The following SLC13A3 variants were observed in gnomAD, a reference collection of about 807,000 sequenced individuals.
SLC13A3 encodes Na(+)/dicarboxylate cotransporter 3.
SLC13A3 carries 40 observed loss-of-function variants against 59.0 expected under a neutral mutation model. That is an observed-to-expected ratio of 0.68 (90% CI 0.53 to 0.88). The LOEUF (loss-of-function observed/expected upper bound fraction) is 0.88. Ranked by LOEUF, SLC13A3 falls within the 40% of genes least tolerant of loss-of-function variation. The probability of loss-of-function intolerance (pLI) is 0.00; values close to 1 mark genes in which losing one functional copy is unlikely to be tolerated. For missense variants in SLC13A3, 699 were observed against 783.2 expected (o/e 0.89, Z 1.28); for synonymous variants, 317 against 330.3 (o/e 0.96, Z 0.44).
rs144218544 is a variant in SLC13A3, at chr20:46,578,565, A to G, written c.1220-2880T>C. Reference sequence around the variant, plus strand: ...GTGGTGGGTGCCTATAATCCCAGCTACTTGGGAGGTTGAGGCATGAGAATC... The same window carrying G: ...GTGGTGGGTGCCTATAATCCCAGCTGCTTGGGAGGTTGAGGCATGAGAATC... On this transcript the variant is annotated intron_variant, in intron 9 of 12. Coordinates refer to ENST00000279027, the MANE Select transcript of SLC13A3 (RefSeq NM_022829.6). Among the ~76,000 whole-genome samples the G allele has an allele frequency of 1.3e-3, 195 of 152,026 alleles. No homozygotes were observed. The Middle Eastern group carries it at 0.017, about 13-fold the overall frequency.
chr20:46,613,406 G>A (rs1270798983), intron 2 of SLC13A3, 54 bp downstream of exon 2: 2 of 1,496,958 alleles, frequency 1.3e-6, no homozygotes, highest in Non-Finnish European at 1.8e-6. Flanking sequence ...AGGCTCCAGA[G>A]GTGTGGTCCC....
intron 1 of SLC13A3, among the ~76,000 whole-genome samples, chr20:46,627,923 T>G (rs551248870): frequency 6.6e-6 from 1 of 152,286 alleles, no homozygotes. Context: ...ATGCAGAGCC[T>G]AAGAGTAGAT....
At chr20:46,618,495 G>C (rs951537337) in intron 1 of SLC13A3, among the ~76,000 whole-genome samples, 5 of 152,208 alleles carry the variant, frequency 3.3e-5, no homozygotes, top group Non-Finnish European at 7.3e-5. Context: ...CCATTGTAGT[G>C]GTAATAAGAG....
At chr20:46,617,893 C>G (rs1043065455) in intron 1 of SLC13A3, among the ~76,000 whole-genome samples, 3 of 152,154 alleles carry the variant, frequency 2.0e-5, no homozygotes, top group East Asian at 1.9e-4. Flanking sequence ...TTCCTGCTGA[C>G]CCAAGAAGGA....
chr20:46,597,345 A>G (rs2122697632), intron 4 of SLC13A3, among the ~76,000 whole-genome samples: 1 of 152,356 alleles, frequency 6.6e-6, no homozygotes, highest in Admixed American at 6.5e-5. Flanking sequence ...AGGTATTTGG[A>G]AACAGACTGA....
At chr20:46,560,236 TG>T in intron 12 of SLC13A3, 38 bp from the exon 13 acceptor site, 1 of 1,591,660 alleles carries the variant, frequency 6.3e-7, no homozygotes, top group Non-Finnish European at 8.6e-7. Context: ...GGTCAGCACC[TG>T]ACCCACCATA....
intron 10 of SLC13A3, among the ~76,000 whole-genome samples, chr20:46,575,146 AAG>A (rs2062062790): frequency 6.6e-6 from 1 of 151,976 alleles, no homozygotes; most frequent in Non-Finnish European, 1.5e-5. Context: ...GTCTCAAAAA[AAG>A]AGAGAGAAAA....
At position 46,559,855 on chromosome 20, in the gene SLC13A3, C is replaced by T; in HGVS notation, c.*167G>A. 1 of 621,186 alleles carries T rather than the reference C, an allele frequency of 1.6e-6. No individual in the cohort carries two copies. The highest frequency in any genetic ancestry group is 2.8e-6 in the Non-Finnish European group (1 of 358,432). The allele number at this position is 621,186 out of a possible 1,614,324, so 38.5% of individuals were successfully genotyped here. ...ACTGCATGAAAGAGAGAGAAAGTAT[C>T]CTAGATAATGGCTCATGGACTTGAG... On this transcript the variant is annotated 3_prime_UTR_variant, in exon 13 of 13. Transcript: ENST00000279027.
rs938426995 is a variant in SLC13A3, at chr20:46,561,650, G to GTT, written c.1633-1454_1633-1453dup. On this transcript the variant is annotated intron_variant, in intron 12 of 12. Transcript: ENST00000279027. ...TTTCTTCTGGAATATTCTTATTCAA[G>GTT]TTTTTTTTTGTTTTTTTTTTTTAAT... Among the ~76,000 whole-genome samples the GTT allele has an allele frequency of 9.4e-4, 130 of 138,742 alleles. 3 individuals carry two copies. In the South Asian group the frequency reaches 0.028, roughly 30 times the overall value. 91.0% of individuals were successfully genotyped at this position (138,742 alleles called of 152,430 possible).
chr20:46,670,341 C>T (rs1045072306), upstream of SLC13A3, among the ~76,000 whole-genome samples: 8 of 152,136 alleles, frequency 5.3e-5, no homozygotes, highest in African/African-American at 1.4e-4. Context: ...CAGCAGCCAT[C>T]GTTGATCAGG....
At position 46,650,902 on chromosome 20, in the gene SLC13A3, T is replaced by C. The variant is rs545748409; in HGVS notation, c.111+409A>G. Among the ~76,000 whole-genome samples, 5 of 151,452 alleles carry C rather than the reference T, an allele frequency of 3.3e-5. No individual in the cohort carries two copies. The East Asian group carries it at 9.7e-4, about 29-fold the overall frequency. Reference sequence around the variant, plus strand: ...CAACATAGTGAGACCCTATCTCTATTAAAAAAAAATTAGCTGGGCATGCAC... The same window carrying C: ...CAACATAGTGAGACCCTATCTCTATCAAAAAAAAATTAGCTGGGCATGCAC... On this transcript the variant is annotated intron_variant, in intron 1 of 12. Transcript: ENST00000279027.
chr20:46,664,808 G>T (rs969782442), intron 1 of SLC13A3, among the ~76,000 whole-genome samples: 14 of 152,134 alleles, frequency 9.2e-5, no homozygotes, highest in South Asian at 4.1e-4. Context: ...GAACTTCTGG[G>T]TATACAAAGG....
chr20:46,673,625 T>G (rs1245069582), upstream of SLC13A3: 1 of 152,318 alleles, frequency 6.6e-6, no homozygotes, highest in East Asian at 1.9e-4. Flanking sequence ...CCCGACCTCC[T>G]GATCTAAGGA....
At chr20:46,582,375 G>A (rs911832328) in intron 9 of SLC13A3, among the ~76,000 whole-genome samples, 45 of 151,096 alleles carry the variant, frequency 3.0e-4, no homozygotes, top group African/African-American at 9.9e-4. Context: ...CAATCCACCC[G>A]CCTCAGCCTC....
At position 46,639,802 on chromosome 20, in the gene SLC13A3, C is replaced by A. The variant is rs536656431; in HGVS notation, c.111+11509G>T. ...TTGTCAATGGCTATGAGATGCTGGG[C>A]AAATGGCTTAATCTCTCTGAGCCTC... On this transcript the variant is annotated intron_variant, in intron 1 of 12. Coordinates refer to ENST00000279027, the MANE Select transcript of SLC13A3 (RefSeq NM_022829.6). Among the ~76,000 whole-genome samples the A allele has an allele frequency of 7.2e-5, 11 of 152,334 alleles. No individual in the cohort carries two copies. In the East Asian group the frequency reaches 2.1e-3, roughly 29 times the overall value.
chr20:46,579,179 C>G (rs1404532166), intron 9 of SLC13A3, among the ~76,000 whole-genome samples: 2 of 152,102 alleles, frequency 1.3e-5, no homozygotes, highest in African/African-American at 4.8e-5. Flanking sequence ...CTCTGTTGCC[C>G]AGGCTGGAGT....
upstream of SLC13A3, among the ~76,000 whole-genome samples, chr20:46,674,604 C>CGCGT (rs370861850): frequency 2.1e-3 from 266 of 127,940 alleles, 1 homozygote; most frequent in African/African-American, 5.9e-3. Flanking sequence ...CGCGCGCGCG[C>CGCGT]GTGTGTGTGT....
At chr20:46,605,120 T>C (rs2062424959) in intron 3 of SLC13A3, among the ~76,000 whole-genome samples, 1 of 152,238 alleles carries the variant, frequency 6.6e-6, no homozygotes, top group Admixed American at 6.5e-5. Flanking sequence ...AATAAGGCAG[T>C]GAAGGGTATT....
intron 1 of SLC13A3, among the ~76,000 whole-genome samples, chr20:46,616,878 G>A (rs552131362): frequency 2.6e-5 from 4 of 152,316 alleles, no homozygotes; most frequent in Non-Finnish European, 4.4e-5. Context: ...ACAGCTCAGA[G>A]AGCCAAAGGG....
Sources: allele counts gnomAD v4.1 joint callset (sites outside exome capture counted in the v4.1 genomes callset), GRCh38; gene constraint gnomAD v4.1.1; transcripts MANE v1.5; gene names NCBI Gene and HGNC (gene_info 2026-07-23, HGNC 2026-07-21).